The following POLM variants were observed in gnomAD, a reference collection of about 807,000 sequenced individuals.
POLM encodes DNA-directed DNA/RNA polymerase mu.
In POLM, 52 loss-of-function variants were observed where a neutral mutation model predicts 56.7. That is an observed-to-expected ratio of 0.92 (90% CI 0.73 to 1.15). The LOEUF (loss-of-function observed/expected upper bound fraction) is 1.15, where lower values mean the gene tolerates loss of function less well. POLM is among the 50% of genes most tolerant of loss of function. The pLI is 0.00. For synonymous variants in POLM, 273 were observed against 274.3 expected (o/e 1.00, Z 0.05); for missense variants, 660 against 663.6 (o/e 0.99, Z 0.06).
rs377161658 is a variant in POLM, at chr7:44,073,290, C to T, written c.*1G>A. ...AGTGGAAGTGGGGGACACAGGCAGG[C>T]TCAGGCGTTTCTCTGCTCTGGAGGA... On this transcript the variant is annotated 3_prime_UTR_variant, in exon 11 of 11. Transcript: ENST00000242248. 1 of 1,614,192 alleles carries T rather than the reference C, an allele frequency of 6.2e-7. No individual in the cohort carries two copies. The highest frequency in any genetic ancestry group is 1.3e-5 in the African/African-American group (1 of 75,052).
intron 2 of POLM, 27 bp downstream of exon 2, chr7:44,080,706 C>T (rs2096197202): frequency 6.2e-7 from 1 of 1,610,240 alleles, no homozygotes. Flanking sequence ...CACTGTAGCC[C>T]CCACTTTAGT....
intron 7 of POLM, 22 bp downstream of exon 7, chr7:44,074,376 G>A (rs757244460): frequency 3.9e-6 from 6 of 1,551,966 alleles, no homozygotes; most frequent in South Asian, 3.6e-5. Flanking sequence ...CCAAGCCAGA[G>A]GGGCACGTCG....
At chr7:44,079,483 C>T in intron 4 of POLM, 88 bp downstream of exon 4, 2 of 1,313,740 alleles carry the variant, frequency 1.5e-6, no homozygotes, top group Admixed American at 1.9e-5. Flanking sequence ...TCTGTCCTCA[C>T]CCACCCCCAC....
intron 10 of POLM, 121 bp from the exon 11 acceptor site, chr7:44,073,498 C>T: frequency 1.3e-6 from 2 of 1,585,698 alleles, no homozygotes; most frequent in Non-Finnish European, 1.7e-6. Context: ...GGGCCAGGAA[C>T]TGTGTGTGGA....
At chr7:44,075,622 T>C (rs1246995184) in intron 6 of POLM, 9 of 151,806 alleles carry the variant, frequency 5.9e-5, no homozygotes, top group Admixed American at 4.6e-4. Context: ...GTGGCCAGAG[T>C]AGCCAGGCAG....
chr7:44,076,234 G>A, intron 6 of POLM: 3 of 383,958 alleles, frequency 7.8e-6, no homozygotes, highest in Non-Finnish European at 1.5e-5. Context: ...TGTGCCCAAG[G>A]CCCAGGCTGT....
At chr7:44,074,081 G>A in intron 8 of POLM, 50 bp downstream of exon 8, 1 of 1,607,856 alleles carries the variant, frequency 6.2e-7, no homozygotes, top group Non-Finnish European at 8.5e-7. Context: ...GAGAGCAGGA[G>A]GCAGTGGCAT....
rs764429947 is a variant in POLM at position 44,078,721 on chromosome 7, C to T, written c.714+19G>A. 4.5e-5 allele frequency: 72 copies of T among 1,608,786 alleles called. No individual in the cohort carries two copies. The highest frequency in any genetic ancestry group is 1.6e-4 in the Middle Eastern group (1 of 6,072). The stretch of plus-strand genomic sequence containing the variant: ...GGGCAGGACATTCCTGGGGTAGGTC[C>T]GAGCCCTGCCCTGCGCACCTTCATG... On this transcript the variant is annotated intron_variant, in intron 5 of 10. Coordinates refer to ENST00000242248, the MANE Select transcript of POLM (RefSeq NM_013284.4).
At position 44,073,352 on chromosome 7, in the gene POLM, T is replaced by C. The variant is rs1164137039; in HGVS notation, c.1424A>G (p.Glu475Gly). 1.2e-6 allele frequency: 2 copies of C among 1,614,150 alleles called. No homozygotes were observed. Among genetic ancestry groups the C allele is most frequent in the African/African-American group, 2.7e-5 (2 of 75,036 alleles). ...GCCCAGGTGTCTGAAGATGTCTTCC[T>C]CTGAAGCCGCTTGGAAAAATGTCTT... ...EQKTFFQAAS[E>G]EDIFRHLGLE... Residue 475 changes from glutamate (E) to glycine (G), a missense_variant, in exon 11 of 11, where the codon GAG (glutamate) becomes GGG (glycine). Transcript: ENST00000242248.
intron 6 of POLM, 68 bp from the exon 7 acceptor site, chr7:44,074,598 A>G (rs1295536617): frequency 2.1e-6 from 3 of 1,462,212 alleles, no homozygotes; most frequent in Non-Finnish European, 2.7e-6. Flanking sequence ...ATCCCTCACC[A>G]GCATGAGGTG....
intron 5 of POLM, among the ~76,000 whole-genome samples, chr7:44,077,943 GAACTC>G (rs2096188206): frequency 6.6e-6 from 1 of 152,196 alleles, no homozygotes; most frequent in African/African-American, 2.4e-5. Flanking sequence ...GCATCCAAAA[GAACTC>G]AGACGGCATT....
At chr7:44,081,038 C>A in intron 1 of POLM, 122 bp from the exon 2 acceptor site, 1 of 769,436 alleles carries the variant, frequency 1.3e-6, no homozygotes, top group Non-Finnish European at 2.0e-6. Context: ...CTGCAAACGT[C>A]ACCTCCTCCA....
At chr7:44,081,059 C>A in intron 1 of POLM, 143 bp from the exon 2 acceptor site, 2 of 637,828 alleles carry the variant, frequency 3.1e-6, no homozygotes, top group South Asian at 2.0e-5. Flanking sequence ...GAAAGCCTTC[C>A]CAGCCCCTCC....
chr7:44,076,381 G>A (rs949475077), intron 6 of POLM, 128 bp downstream of exon 6: 44 of 1,193,342 alleles, frequency 3.7e-5, no homozygotes, highest in Non-Finnish European at 4.8e-5. Flanking sequence ...ACCCCAGGAA[G>A]CCCACCACAC....
chr7:44,080,297 GC>G (rs1270353174), intron 2 of POLM: 30 of 540,192 alleles, frequency 5.6e-5, no homozygotes, highest in Non-Finnish European at 1.1e-5. Flanking sequence ...CTAGGGGCTT[GC>G]CCCACAACCA....
intron 5 of POLM, among the ~76,000 whole-genome samples, chr7:44,077,832 G>A (rs2096187925): frequency 6.6e-6 from 1 of 152,200 alleles, no homozygotes; most frequent in African/African-American, 2.4e-5. Context: ...CATCCACCCA[G>A]GAAGCCACAC....
Position 44,073,435 on chromosome 7 carries a change from AG to A in POLM, c.1399-59del, listed in dbSNP as rs745338152. On this transcript the variant is annotated intron_variant, in intron 10 of 10. Coordinates refer to ENST00000242248, the MANE Select transcript of POLM (RefSeq NM_013284.4). ...AGTCTTGCCACTGCTGCTTCCCTGC[AG>A]GAAGACTGAGGGTGGGGAAGAGCCC... 3.1e-6 allele frequency: 5 copies of A among 1,593,804 alleles called. No individual in the cohort carries two copies. In the African/African-American group the frequency reaches 6.7e-5, roughly 21 times the overall value.
rs201857877 is a variant in POLM, at chr7:44,073,296, C to T, written c.1480G>A (p.Ala494Thr). Residue 494 changes from alanine to threonine, a missense_variant, in exon 11 of 11, where the codon GCC becomes ACC. By Grantham distance (58) the Ala-to-Thr change is moderately conservative (BLOSUM62 0). Coordinates refer to ENST00000242248, the MANE Select transcript of POLM (RefSeq NM_013284.4). ...AGTGGGGGACACAGGCAGGCTCAGG[C>T]GTTTCTCTGCTCTGGAGGAAGGTAC... Reference protein sequence around the residue: ...LEYLPPEQRNA With the variant: ...LEYLPPEQRNT 19 of 1,614,184 alleles carry T rather than the reference C, an allele frequency of 1.2e-5. No homozygotes were observed. Among genetic ancestry groups the T allele is most frequent in the Middle Eastern group, 1.7e-4 (1 of 6,060 alleles).
rs985145617 is a variant in POLM at position 44,076,357 on chromosome 7, T to C, written c.835+152A>G. ...AGAAAAGGCTTTGATAGATCCTGACTGCACTGGGTGGAGACCCCAGGAAGC... is the reference window on the plus strand; with the variant it reads ...AGAAAAGGCTTTGATAGATCCTGACCGCACTGGGTGGAGACCCCAGGAAGC... On this transcript the variant is annotated intron_variant, in intron 6 of 10. Coordinates refer to ENST00000242248, the MANE Select transcript of POLM (RefSeq NM_013284.4). 5 of 847,708 alleles carry C rather than the reference T, an allele frequency of 5.9e-6. No homozygotes were observed. The African/African-American group carries it at 8.5e-5, about 14-fold the overall frequency. 52.5% of individuals were successfully genotyped at this position (847,708 alleles called of 1,614,324 possible).
Sources: gnomAD v4.1 joint callset for allele counts (sites outside exome capture counted in the v4.1 genomes callset) on GRCh38, gnomAD v4.1.1 for gene constraint, MANE v1.5 for transcripts, NCBI Gene and HGNC (gene_info 2026-07-23, HGNC 2026-07-21) for gene names.